Variants in DAB1 observed in about 807,000 individuals in gnomAD.
DAB1 encodes the protein disabled homolog 1.
In DAB1, 15 loss-of-function variants were observed where a neutral mutation model predicts 64.6. The ratio of observed to expected loss-of-function variants is 0.23; its 90% CI spans 0.16 to 0.36. DAB1 has a LOEUF of 0.36. DAB1 is among the 10% of genes least tolerant of loss of function. The probability of loss-of-function intolerance (pLI) is 1.00; values close to 1 mark genes in which losing one functional copy is unlikely to be tolerated. For synonymous variants in DAB1, 235 were observed against 251.9 expected, an observed-to-expected ratio of 0.93 and a Z score of 0.64; for missense variants, 596 against 706.7, an observed-to-expected ratio of 0.84 and a Z score of 1.78.
chr1:58,188,824 G>T lies in DAB1; in HGVS notation n.310-38236C>A, dbSNP rs556219103. On this transcript the variant is annotated intron_variant and non_coding_transcript_variant, in intron 4 of 20. Coordinates refer to the DAB1 transcript ENST00000485760. Reference sequence around the variant, plus strand: ...GCTTTGTTTTTCTCTGTTTACACTTGTATGACCAAAGCTGAAGGTAGCTGA... The same window carrying T: ...GCTTTGTTTTTCTCTGTTTACACTTTTATGACCAAAGCTGAAGGTAGCTGA... 1.2e-4 allele frequency among the ~76,000 whole-genome samples: 18 copies of T among 152,292 alleles called. No individual in the cohort carries two copies. In the South Asian group the frequency reaches 3.7e-3, roughly 32 times the overall value.
chr1:57,289,760 C>T (rs1206103494), intron 2 of DAB1, among the ~76,000 whole-genome samples: 1 of 152,182 alleles, frequency 6.6e-6, no homozygotes, highest in Non-Finnish European at 1.5e-5. Flanking sequence ...CCCACATTGA[C>T]AGATTTCAAG....
chr1:57,596,401 A>G (rs1645510185), intron 7 of DAB1, among the ~76,000 whole-genome samples: 1 of 152,094 alleles, frequency 6.6e-6, no homozygotes, highest in Non-Finnish European at 1.5e-5. Context: ...TGAACATAAG[A>G]TTGTCTTCCC....
rs993532788 is a variant in DAB1, at chr1:58,115,986, A to T, written n.387+34525T>A. On this transcript the variant is annotated intron_variant and non_coding_transcript_variant, in intron 5 of 20. Coordinates refer to the DAB1 transcript ENST00000485760. ...ACATGTACCCTAAAACTTAGAGTATAAAAAAAAAAAAAATTAATATTAAAC... is the reference window on the plus strand; with the variant it reads ...ACATGTACCCTAAAACTTAGAGTATTAAAAAAAAAAAAATTAATATTAAAC... Among the ~76,000 whole-genome samples, 391 of 36,986 alleles carry T rather than the reference A, an allele frequency of 0.011. 3 individuals carry two copies. In the African/African-American group the frequency reaches 0.14, roughly 13 times the overall value. 24.3% of individuals were successfully genotyped at this position (36,986 alleles called of 152,430 possible).
At chr1:57,905,323 T>C (rs965103168) in intron 5 of DAB1, among the ~76,000 whole-genome samples, 1 of 151,908 alleles carries the variant, frequency 6.6e-6, no homozygotes, top group Non-Finnish European at 1.5e-5. Context: ...GGAAAGGGTA[T>C]CACAGCAGTT....
intron 1 of DAB1, among the ~76,000 whole-genome samples, chr1:57,351,095 T>A (rs983835573): frequency 6.6e-6 from 1 of 152,162 alleles, no homozygotes; most frequent in African/African-American, 2.4e-5. Flanking sequence ...TATGAAGAGA[T>A]GCACTATTAT....
chr1:57,228,221 T>C (rs1667414917), intron 2 of DAB1, among the ~76,000 whole-genome samples: 1 of 152,210 alleles, frequency 6.6e-6, no homozygotes, highest in East Asian at 1.9e-4. Context: ...GCCTGCACTT[T>C]GGTATCCATT....
chr1:57,748,909 A>G (rs1225816400), intron 6 of DAB1, among the ~76,000 whole-genome samples: 2 of 152,230 alleles, frequency 1.3e-5, no homozygotes, highest in Non-Finnish European at 2.9e-5. Context: ...AAAAGGGCAA[A>G]TCTTTTCATG....
At chr1:58,240,647 C>A (rs1009484725) in intron 4 of DAB1, among the ~76,000 whole-genome samples, 16 of 152,148 alleles carry the variant, frequency 1.1e-4, no homozygotes, top group African/African-American at 3.9e-4. Flanking sequence ...CTCACTTTCC[C>A]AGAATATAGT....
chr1:57,034,531 C>G (rs933966334), intron 9 of DAB1, among the ~76,000 whole-genome samples: 1 of 152,170 alleles, frequency 6.6e-6, no homozygotes, highest in Non-Finnish European at 1.5e-5. Flanking sequence ...CTCAAAAATA[C>G]AGAAATGAAT....
intron 7 of DAB1, among the ~76,000 whole-genome samples, chr1:57,490,661 A>G (rs1374794553): frequency 2.6e-5 from 4 of 152,232 alleles, no homozygotes; most frequent in African/African-American, 9.6e-5. Flanking sequence ...CAGAACTCAC[A>G]AAGTTTCTGA....
chr1:57,482,029 T>C (rs1014194677), intron 7 of DAB1, among the ~76,000 whole-genome samples: 29 of 152,158 alleles, frequency 1.9e-4, no homozygotes, highest in African/African-American at 6.8e-4. Context: ...TCATGAATAA[T>C]GCTATAGAGA....
chr1:57,515,965 A>T (rs1389640877), intron 7 of DAB1, among the ~76,000 whole-genome samples: 1 of 152,252 alleles, frequency 6.6e-6, no homozygotes, highest in Non-Finnish European at 1.5e-5. Flanking sequence ...TTCCCTGAGC[A>T]AGACAAGCCA....
chr1:58,154,051 C>T (rs1023234688), intron 4 of DAB1, among the ~76,000 whole-genome samples: 2 of 151,744 alleles, frequency 1.3e-5, no homozygotes, highest in South Asian at 2.1e-4. Flanking sequence ...AAATAGTCAG[C>T]GATTCCCTAA....
At chr1:57,019,629 G>A (rs115372810) in intron 11 of DAB1, among the ~76,000 whole-genome samples, 1 of 152,214 alleles carries the variant, frequency 6.6e-6, no homozygotes, top group Non-Finnish European at 1.5e-5. Context: ...GGACACGTCA[G>A]CAGCAGGACA....
chr1:57,358,831 A>C (rs1171503225), intron 1 of DAB1, among the ~76,000 whole-genome samples: 1 of 152,132 alleles, frequency 6.6e-6, no homozygotes. Context: ...CCATGCATTT[A>C]TAGCCAACTT....
chr1:57,451,492 C>A (rs768368392), intron 7 of DAB1, among the ~76,000 whole-genome samples: 2 of 152,064 alleles, frequency 1.3e-5, no homozygotes, highest in Non-Finnish European at 2.9e-5. Context: ...ATGTGTAGGA[C>A]AAAGAAGGCT....
intron 1 of DAB1, among the ~76,000 whole-genome samples, chr1:57,309,048 T>A (rs1157069408): frequency 6.6e-6 from 1 of 152,182 alleles, no homozygotes; most frequent in Non-Finnish European, 1.5e-5. Flanking sequence ...TATTATGAAA[T>A]TTTTTTGTGA....
At chr1:57,193,379 A>ATTTTTTTTTTTTTTTTTTTTTTTTT (rs1328631874) in intron 2 of DAB1, among the ~76,000 whole-genome samples, 1 of 71,624 alleles carries the variant, frequency 1.4e-5, no homozygotes, top group African/African-American at 5.5e-5. Flanking sequence ...TCCGTAGCAT[A>ATTTTTTTTTTTTTTTTTTTTTTTTT]TGTTTTTTTT....
intron 5 of DAB1, among the ~76,000 whole-genome samples, chr1:58,042,699 C>T (rs1039404167): frequency 2.0e-5 from 3 of 152,146 alleles, no homozygotes; most frequent in African/African-American, 7.2e-5. Context: ...CGCATGGAAG[C>T]ATAAAAGAGC....
Sources: allele counts gnomAD v4.1 joint callset (sites outside exome capture counted in the v4.1 genomes callset), GRCh38; gene constraint gnomAD v4.1.1; transcripts MANE v1.5; gene names NCBI Gene and HGNC (gene_info 2026-07-23, HGNC 2026-07-21).